The following MDFIC2 variants were observed in gnomAD, a reference collection of about 807,000 sequenced individuals.
The protein encoded by MDFIC2 is MyoD family inhibitor domain containing 2, also known as myoD family inhibitor domain-containing protein 2.
At position 70,254,816 on chromosome 3, in the gene MDFIC2, T is replaced by A. The variant is rs149762008; in HGVS notation, c.89-48026A>T. Among the ~76,000 whole-genome samples the A allele has an allele frequency of 2.4e-3, 358 of 152,324 alleles. 1 individual carries two copies. Among genetic ancestry groups the A allele is most frequent in the Non-Finnish European group, 4.0e-3 (273 of 68,020 alleles). ...TCTTGTGCATTCTTCTATACAAGAT[T>A]TATGCATACATGTCTTTATTTATGC... On this transcript the variant is annotated intron_variant, in intron 2 of 3. Coordinates refer to ENST00000567252, the MANE Select transcript of MDFIC2 (RefSeq NM_001364677.1).
intron 2 of MDFIC2, among the ~76,000 whole-genome samples, chr3:70,228,455 T>C (rs1479379129): frequency 2.6e-5 from 4 of 152,066 alleles, no homozygotes; most frequent in African/African-American, 9.7e-5. Context: ...CTGATAGAGA[T>C]TCAGAAATAG....
rs1701157275 is a variant in MDFIC2, at chr3:70,194,594, TAAC to T, written c.*2329_*2331del. Among the ~76,000 whole-genome samples the T allele has an allele frequency of 6.6e-6, 1 of 152,178 alleles. No individual in the cohort carries two copies. Among genetic ancestry groups the T allele is most frequent in the African/African-American group, 2.4e-5 (1 of 41,442 alleles). ...GAATTCTGAAAGTGAGGAACAAAGT[TAAC>T]AAACCGTGGAAAGCAAGGCCACAGA... On this transcript the variant is annotated 3_prime_UTR_variant, in exon 4 of 4. Transcript: ENST00000567252.
chr3:70,240,930 TTCA>T (rs1244615918), intron 2 of MDFIC2, among the ~76,000 whole-genome samples: 1 of 152,218 alleles, frequency 6.6e-6, no homozygotes, highest in African/African-American at 2.4e-5. Flanking sequence ...TAAAAGTTGA[TTCA>T]TCATTTGATA....
chr3:70,270,250 G>A (rs549911039), intron 2 of MDFIC2, among the ~76,000 whole-genome samples: 46 of 152,232 alleles, frequency 3.0e-4, no homozygotes, highest in African/African-American at 1.1e-3. Flanking sequence ...GTTCTTTCAA[G>A]TTTCTAAGGT....
chr3:70,267,106 G>A (rs957988291), intron 2 of MDFIC2, among the ~76,000 whole-genome samples: 2 of 152,148 alleles, frequency 1.3e-5, no homozygotes, highest in African/African-American at 2.4e-5. Flanking sequence ...TAGCTGGGGA[G>A]GGGGTGGGAA....
chr3:70,242,974 C>G (rs2106643000), intron 2 of MDFIC2, among the ~76,000 whole-genome samples: 1 of 152,264 alleles, frequency 6.6e-6, no homozygotes, highest in South Asian at 2.1e-4. Context: ...CAGGCCTAAC[C>G]TAAATACTAA....
At chr3:70,240,099 T>C (rs1701651986) in intron 2 of MDFIC2, among the ~76,000 whole-genome samples, 1 of 152,112 alleles carries the variant, frequency 6.6e-6, no homozygotes, top group Non-Finnish European at 1.5e-5. Context: ...TTTCTTTAAC[T>C]AGAAGCCCAA....
At chr3:70,232,422 C>A (rs1454037208) in intron 2 of MDFIC2, among the ~76,000 whole-genome samples, 1 of 149,356 alleles carries the variant, frequency 6.7e-6, no homozygotes, top group African/African-American at 2.5e-5. Context: ...TTTTTTCTTG[C>A]GATGGAGTCT....
intron 2 of MDFIC2, among the ~76,000 whole-genome samples, chr3:70,219,614 G>C (rs1701444110): frequency 2.0e-5 from 3 of 152,096 alleles, no homozygotes; most frequent in African/African-American, 7.2e-5. Flanking sequence ...CAACAGAATG[G>C]ATCCAAAGGG....
chr3:70,311,290 C>T (rs1575622922), intron 2 of MDFIC2, among the ~76,000 whole-genome samples: 1 of 152,162 alleles, frequency 6.6e-6, no homozygotes, highest in African/African-American at 2.4e-5. Flanking sequence ...AATTATAAAA[C>T]CGTGCCTTCT....
chr3:70,229,836 T>A (rs1194945831), intron 2 of MDFIC2, among the ~76,000 whole-genome samples: 1 of 152,184 alleles, frequency 6.6e-6, no homozygotes, highest in Non-Finnish European at 1.5e-5. Flanking sequence ...TGGAGGTCAA[T>A]ATTTGAAACA....
At chr3:70,232,780 T>A (rs1701572829) in intron 2 of MDFIC2, among the ~76,000 whole-genome samples, 1 of 152,212 alleles carries the variant, frequency 6.6e-6, no homozygotes, top group Admixed American at 6.5e-5. Flanking sequence ...TCACAGGGAC[T>A]GACTTCTTAC....
chr3:70,283,072 A>T (rs1341795653), intron 2 of MDFIC2, among the ~76,000 whole-genome samples: 1 of 152,186 alleles, frequency 6.6e-6, no homozygotes, highest in East Asian at 1.9e-4. Context: ...CCTCAGTATG[A>T]TTCTCTCCAC....
In MDFIC2 at chr3:70,240,619, A is replaced by C. The variant is rs1701657858; in HGVS notation, c.89-33829T>G. The stretch of plus-strand genomic sequence containing the variant: ...GCTCTAAGAAAGTGTGAATTCTTTC[A>C]TTCCTTCAGCGTCAATTATAAGTAC... On this transcript the variant is annotated intron_variant, in intron 2 of 3. Transcript: ENST00000567252. 2.6e-5 allele frequency among the ~76,000 whole-genome samples: 4 copies of C among 152,112 alleles called. No individual in the cohort carries two copies. The South Asian group carries it at 8.3e-4, about 32-fold the overall frequency.
chr3:70,263,775 C>G (rs1701889802), intron 2 of MDFIC2, among the ~76,000 whole-genome samples: 1 of 152,118 alleles, frequency 6.6e-6, no homozygotes, highest in Non-Finnish European at 1.5e-5. Flanking sequence ...ATCTCAGTAA[C>G]ACTGTCTGGC....
At chr3:70,212,344 C>A (rs1553645810) in intron 2 of MDFIC2, among the ~76,000 whole-genome samples, 1 of 152,056 alleles carries the variant, frequency 6.6e-6, no homozygotes, top group Non-Finnish European at 1.5e-5. Flanking sequence ...TTCTACTAAG[C>A]CCCTCATTCT....
At chr3:70,227,177 T>C (rs1261215743) in intron 2 of MDFIC2, among the ~76,000 whole-genome samples, 1 of 152,196 alleles carries the variant, frequency 6.6e-6, no homozygotes, top group African/African-American at 2.4e-5. Flanking sequence ...ATTTTTGTCT[T>C]AGAAATGCCA....
chr3:70,248,119 G>A (rs1701725725), intron 2 of MDFIC2, among the ~76,000 whole-genome samples: 1 of 152,012 alleles, frequency 6.6e-6, no homozygotes, highest in Non-Finnish European at 1.5e-5. Context: ...GACAATGAGA[G>A]TAATGAACCA....
chr3:70,208,546 T>C (rs989826768), intron 2 of MDFIC2, among the ~76,000 whole-genome samples: 3 of 152,080 alleles, frequency 2.0e-5, no homozygotes, highest in Non-Finnish European at 2.9e-5. Context: ...AGGAGACCAA[T>C]TAAATCACAA....
Sources: gnomAD v4.1 joint callset for allele counts (sites outside exome capture counted in the v4.1 genomes callset) on GRCh38, gnomAD v4.1.1 for gene constraint, MANE v1.5 for transcripts, NCBI Gene and HGNC (gene_info 2026-07-23, HGNC 2026-07-21) for gene names.